The following CREM variants were observed in gnomAD, a reference collection of about 807,000 sequenced individuals.
The protein encoded by CREM is cAMP-responsive element modulator.
A neutral mutation model predicts 37.3 loss-of-function variants in CREM; 13 were observed. The observed-to-expected ratio is 0.35, with a 90% confidence interval of 0.23 to 0.55. The LOEUF is 0.55. Ranked by LOEUF, CREM falls within the 20% of genes least tolerant of loss-of-function variation. The probability of loss-of-function intolerance (pLI) is 0.88; values close to 1 mark genes in which losing one functional copy is unlikely to be tolerated. For missense variants in CREM, 296 were observed against 362.3 expected (o/e 0.82, Z 1.49); for synonymous variants, 124 against 120.2 (o/e 1.03, Z -0.21).
chr10:35,191,666 T>A (rs2094924960), intron 6 of CREM, among the ~76,000 whole-genome samples: 1 of 152,180 alleles, frequency 6.6e-6, no homozygotes, highest in Admixed American at 6.5e-5. Context: ...TTCCTGAGAC[T>A]GTGTCCTCCT....
intron 3 of CREM, among the ~76,000 whole-genome samples, chr10:35,151,089 G>GAA: frequency 6.6e-6 from 1 of 152,172 alleles, no homozygotes; most frequent in Non-Finnish European, 1.5e-5. Context: ...GAGAAAGATG[G>GAA]GTTTGTGAAA....
At chr10:35,135,742 AAGAG>A (rs762721352) in intron 1 of CREM, among the ~76,000 whole-genome samples, 11 of 76,492 alleles carry the variant, frequency 1.4e-4, no homozygotes, top group Non-Finnish European at 2.0e-4. Flanking sequence ...AAAAAAAAAA[AAGAG>A]AGACATTAAA....
chr10:35,188,936 A>C (rs1020193375), intron 6 of CREM, among the ~76,000 whole-genome samples: 1 of 152,130 alleles, frequency 6.6e-6, no homozygotes, highest in African/African-American at 2.4e-5. Context: ...AGCCTCCTAA[A>C]GTGCTGGGAT....
chr10:35,145,118 G>A (rs1422072283), intron 2 of CREM, among the ~76,000 whole-genome samples: 4 of 141,380 alleles, frequency 2.8e-5, no homozygotes, highest in East Asian at 2.1e-4. Context: ...TCCAGATCGC[G>A]CCACTGCACT....
intron 2 of CREM, among the ~76,000 whole-genome samples, chr10:35,147,544 G>A (rs1325831306): frequency 6.6e-6 from 1 of 151,752 alleles, no homozygotes; most frequent in African/African-American, 2.4e-5. Flanking sequence ...TTCAATAATT[G>A]GGGCTTGTTT....
intron 3 of CREM, chr10:35,175,894 T>C: frequency 6.4e-7 from 1 of 1,557,504 alleles, no homozygotes; most frequent in Non-Finnish European, 8.7e-7. Context: ...GCTCCCCAGC[T>C]GTAACTCTAG....
At chr10:35,160,458 G>T (rs2093220792) in intron 3 of CREM, among the ~76,000 whole-genome samples, 1 of 152,058 alleles carries the variant, frequency 6.6e-6, no homozygotes, top group African/African-American at 2.4e-5. Context: ...GAGTACAGTG[G>T]CACAATCATA....
chr10:35,209,375 T>C (rs2095613969), intron 7 of CREM: 1 of 985,192 alleles, frequency 1.0e-6, no homozygotes, highest in African/African-American at 1.7e-5. Flanking sequence ...CCCAGACACA[T>C]GCAAGCCTGA....
intron 3 of CREM, among the ~76,000 whole-genome samples, chr10:35,161,327 C>T (rs538364185): frequency 7.2e-5 from 11 of 151,740 alleles, no homozygotes; most frequent in African/African-American, 1.9e-4. Context: ...TACAAAATTT[C>T]TCTACTAAAA....
chr10:35,133,372 A>G (rs574131532), intron 1 of CREM, among the ~76,000 whole-genome samples: 7 of 151,364 alleles, frequency 4.6e-5, no homozygotes, highest in Non-Finnish European at 1.0e-4. Flanking sequence ...CAATGGAGCA[A>G]TCTCGGCTCA....
chr10:35,156,587 T>C (rs936028641), intron 3 of CREM, among the ~76,000 whole-genome samples: 1 of 152,232 alleles, frequency 6.6e-6, no homozygotes, highest in Non-Finnish European at 1.5e-5. Context: ...TCGTTTGTTA[T>C]TATAACCCTT....
intron 7 of CREM, chr10:35,210,637 A>AT (rs1169551391): frequency 1.6e-4 from 25 of 152,106 alleles, no homozygotes; most frequent in African/African-American, 6.0e-4. Flanking sequence ...CCCTTCTTTA[A>AT]TTTTCAGAAG....
chr10:35,190,930 G>A (rs548822889), intron 6 of CREM, among the ~76,000 whole-genome samples: 83 of 152,178 alleles, frequency 5.5e-4, no homozygotes, highest in African/African-American at 1.9e-3. Context: ...CCGAAGTGCT[G>A]GGATTACAGG....
chr10:35,179,385 A>T, intron 5 of CREM, 109 bp downstream of exon 5: 1 of 1,212,066 alleles, frequency 8.3e-7, no homozygotes, highest in African/African-American at 1.5e-5. Flanking sequence ...AAAATGCATC[A>T]TTAATACCTA....
intron 1 of CREM, among the ~76,000 whole-genome samples, chr10:35,137,166 A>G (rs2090671880): frequency 6.6e-6 from 1 of 152,052 alleles, no homozygotes; most frequent in Non-Finnish European, 1.5e-5. Context: ...CCACATGTCA[A>G]ATATATATTT....
chr10:35,131,042 CT>C (rs1466908496), intron 1 of CREM, among the ~76,000 whole-genome samples: 2 of 152,050 alleles, frequency 1.3e-5, no homozygotes, highest in African/African-American at 4.8e-5. Flanking sequence ...GGTAGTTTTG[CT>C]TAAAGACTGC....
Position 35,206,926 on chromosome 10 carries a change from C to A in CREM, c.630C>A (p.Ile210=), listed in dbSNP as rs759481583. Residue 210 remains isoleucine (I), a synonymous_variant, in exon 7 of 8, where the codon ATC becomes ATA. Coordinates refer to ENST00000685392, the MANE Select transcript of CREM (RefSeq NM_183011.2). ...CTGGTGACATGCCAACTTACCAGAT[C>A]CGAGCTCCTACTGCTGCTTTGCCAC... The part of the protein sequence containing the change: ...AATGDMPTYQ[I]RAPTAALPQG... 9 of 1,613,720 alleles carry A rather than the reference C, an allele frequency of 5.6e-6. No individual in the cohort carries two copies. Among genetic ancestry groups the A allele is most frequent in the Non-Finnish European group, 7.6e-6 (9 of 1,179,976 alleles).
At position 35,204,136 on chromosome 10, in the gene CREM, G is replaced by T. The variant is rs532834089; in HGVS notation, c.599-2759G>T. ...TCTTCTGACAATACGATGAAGATAT[G>T]TTAAACAATCTATTAAGTTAGTTTA... On this transcript the variant is annotated intron_variant, in intron 6 of 7. Transcript: ENST00000685392. Among the ~76,000 whole-genome samples, 6 of 152,318 alleles carry T rather than the reference G, an allele frequency of 3.9e-5. No homozygotes were observed. The South Asian group carries it at 1.0e-3, about 26-fold the overall frequency.
Position 35,211,940 on chromosome 10 carries a change from T to G in CREM, c.*542T>G. On this transcript the variant is annotated 3_prime_UTR_variant, in exon 8 of 8. Transcript: ENST00000685392. ...TAATCACTTAACATTCCTAAAATGCTTCACTGTACGTAGTTAAGTCGTAGC... is the reference window on the plus strand; with the variant it reads ...TAATCACTTAACATTCCTAAAATGCGTCACTGTACGTAGTTAAGTCGTAGC... 1 of 883,556 alleles carries G rather than the reference T, an allele frequency of 1.1e-6. No individual in the cohort carries two copies. Among genetic ancestry groups the G allele is most frequent in the South Asian group, 2.7e-5 (1 of 36,566 alleles). 54.7% of individuals were successfully genotyped at this position (883,556 alleles called of 1,614,324 possible).
Sources: allele counts gnomAD v4.1 joint callset (sites outside exome capture counted in the v4.1 genomes callset), GRCh38; gene constraint gnomAD v4.1.1; transcripts MANE v1.5; gene names NCBI Gene and HGNC (gene_info 2026-07-23, HGNC 2026-07-21).